The following MED13L variants were observed in gnomAD, a reference collection of about 807,000 sequenced individuals.
MED13L encodes the protein mediator of RNA polymerase II transcription subunit 13-like.
MED13L carries 7 observed loss-of-function variants against 220.9 expected under a neutral mutation model. The ratio of observed to expected loss-of-function variants is 0.03; its 90% CI spans 0.02 to 0.06. MED13L has a LOEUF of 0.06. MED13L is among the 10% of genes least tolerant of loss of function. The pLI is 1.00. For missense variants in MED13L, 1,965 were observed against 2,760.5 expected (o/e 0.71, Z 6.46); for synonymous variants, 1,011 against 1,015.2 (o/e 1.00, Z 0.08).
intron 16 of MED13L, among the ~76,000 whole-genome samples, chr12:115,996,194 G>C (rs531044466): frequency 6.6e-6 from 1 of 151,946 alleles, no homozygotes; most frequent in Non-Finnish European, 1.5e-5. Context: ...GGGTTCAAGC[G>C]ATTCTCCTGC....
intron 4 of MED13L, among the ~76,000 whole-genome samples, chr12:116,079,063 A>G (rs1871032500): frequency 6.6e-6 from 1 of 152,222 alleles, no homozygotes; most frequent in Non-Finnish European, 1.5e-5. Context: ...GCCAGATATT[A>G]AAGAAATTTG....
At chr12:116,093,094 C>T (rs1872370266) in intron 4 of MED13L, among the ~76,000 whole-genome samples, 1 of 152,132 alleles carries the variant, frequency 6.6e-6, no homozygotes, top group South Asian at 2.1e-4. Context: ...AATTAGAAAA[C>T]AAATGCCTTC....
intron 1 of MED13L, among the ~76,000 whole-genome samples, chr12:116,244,454 C>G (rs1870924570): frequency 6.6e-6 from 1 of 152,194 alleles, no homozygotes; most frequent in African/African-American, 2.4e-5. Flanking sequence ...GATATAGCAT[C>G]AAAATTTTGA....
At chr12:116,144,616 T>C (rs969332934) in intron 2 of MED13L, among the ~76,000 whole-genome samples, 1 of 152,194 alleles carries the variant, frequency 6.6e-6, no homozygotes, top group African/African-American at 2.4e-5. Context: ...TCAGAGTACA[T>C]TTTCTGAAAC....
intron 2 of MED13L, among the ~76,000 whole-genome samples, chr12:116,134,249 T>C (rs1306924948): frequency 3.3e-5 from 5 of 152,162 alleles, no homozygotes; most frequent in Non-Finnish European, 7.3e-5. Context: ...ATGATTAGTG[T>C]TGGATGATAA....
At chr12:116,158,416 T>C (rs1008689270) in intron 2 of MED13L, among the ~76,000 whole-genome samples, 1 of 152,210 alleles carries the variant, frequency 6.6e-6, no homozygotes, top group Admixed American at 6.6e-5. Flanking sequence ...AATCCAACTA[T>C]TTAAATTCAG....
At chr12:116,179,131 T>C (rs765400408) in intron 2 of MED13L, among the ~76,000 whole-genome samples, 1 of 152,040 alleles carries the variant, frequency 6.6e-6, no homozygotes, top group Non-Finnish European at 1.5e-5. Flanking sequence ...ATAACTCTGG[T>C]TATACTTTTT....
chr12:115,961,960 G>A (rs1049135597), intron 30 of MED13L, among the ~76,000 whole-genome samples: 3 of 150,138 alleles, frequency 2.0e-5, no homozygotes, highest in South Asian at 2.1e-4. Flanking sequence ...GCAGGACTCC[G>A]TCTCCAAAAA....
intron 2 of MED13L, among the ~76,000 whole-genome samples, chr12:116,208,947 G>A (rs558291669): frequency 6.6e-6 from 1 of 152,000 alleles, no homozygotes; most frequent in African/African-American, 2.4e-5. Flanking sequence ...CTCCAGCCTG[G>A]GTGACAGAGC....
chr12:116,007,309 A>G (rs1879110448), intron 11 of MED13L, 102 bp downstream of exon 11: 3 of 1,050,002 alleles, frequency 2.9e-6, no homozygotes, highest in African/African-American at 3.1e-5. Flanking sequence ...CAATCAGGCA[A>G]GACTATCTCA....
At chr12:116,259,299 AT>A (rs912505593) in intron 1 of MED13L, among the ~76,000 whole-genome samples, 1 of 152,154 alleles carries the variant, frequency 6.6e-6, no homozygotes, top group African/African-American at 2.4e-5. Flanking sequence ...CTTATCTGTA[AT>A]TTTTTTAAGT....
intron 8 of MED13L, among the ~76,000 whole-genome samples, chr12:116,014,533 CA>C (rs1191225719): frequency 1.3e-5 from 2 of 151,962 alleles, no homozygotes; most frequent in Admixed American, 1.3e-4. Context: ...TCTCCTTTTC[CA>C]AAAGTATGTT....
intron 3 of MED13L, among the ~76,000 whole-genome samples, chr12:116,103,799 T>C (rs1243527303): frequency 2.0e-5 from 3 of 152,174 alleles, no homozygotes; most frequent in Non-Finnish European, 4.4e-5. Context: ...ATTCTCCTAC[T>C]TTCTTTAGAG....
chr12:116,098,825 A>G (rs1565876601), intron 3 of MED13L, among the ~76,000 whole-genome samples: 1 of 152,210 alleles, frequency 6.6e-6, no homozygotes, highest in African/African-American at 2.4e-5. Flanking sequence ...AAATTTAGAA[A>G]ATAGGAAATA....
chr12:116,258,919 T>G (rs1237695955), intron 1 of MED13L, among the ~76,000 whole-genome samples: 2 of 134,416 alleles, frequency 1.5e-5, no homozygotes, highest in African/African-American at 2.7e-5. Context: ...ATATTGAGGG[T>G]TTTTTTTTTT....
At chr12:116,001,951 C>A (rs764000054) in intron 14 of MED13L, among the ~76,000 whole-genome samples, 1 of 152,162 alleles carries the variant, frequency 6.6e-6, no homozygotes, top group African/African-American at 2.4e-5. Flanking sequence ...CACATCACTA[C>A]GCATCACGTC....
chr12:116,116,356 A>G (rs564175778), intron 2 of MED13L, among the ~76,000 whole-genome samples: 2 of 152,154 alleles, frequency 1.3e-5, no homozygotes, highest in Admixed American at 1.3e-4. Flanking sequence ...TTTCATAAAA[A>G]CCCAAAAAGA....
chr12:116,159,057 CA>C (rs1878663741), intron 2 of MED13L, among the ~76,000 whole-genome samples: 1 of 152,096 alleles, frequency 6.6e-6, no homozygotes, highest in African/African-American at 2.4e-5. Flanking sequence ...ACAACTTCAA[CA>C]AACAAAAAAT....
chr12:116,131,434 T>G (rs1231098129), intron 2 of MED13L, among the ~76,000 whole-genome samples: 1 of 152,164 alleles, frequency 6.6e-6, no homozygotes, highest in Non-Finnish European at 1.5e-5. Context: ...TACTTCTCTT[T>G]GCAAAACAGA....
Sources: allele counts gnomAD v4.1 joint callset (sites outside exome capture counted in the v4.1 genomes callset), GRCh38; gene constraint gnomAD v4.1.1; transcripts MANE v1.5; gene names NCBI Gene and HGNC (gene_info 2026-07-23, HGNC 2026-07-21).